HSF1: variants seen among roughly 807,000 people sequenced by gnomAD.
The protein encoded by HSF1 is heat shock factor protein 1.
A neutral mutation model predicts 51.7 loss-of-function variants in HSF1; 32 were observed. The ratio of observed to expected loss-of-function variants is 0.62; its 90% CI spans 0.47 to 0.83. The LOEUF (loss-of-function observed/expected upper bound fraction) is 0.83. Among genes scored for constraint, HSF1 ranks in the 40% least tolerant of loss-of-function variants. The probability of loss-of-function intolerance (pLI) is 0.00; values close to 1 mark genes in which losing one functional copy is unlikely to be tolerated. For missense variants in HSF1, 727 were observed against 717.0 expected (o/e 1.01, Z -0.16); for synonymous variants, 396 against 309.7 (o/e 1.28, Z -2.92).
intron 1 of HSF1, among the ~76,000 whole-genome samples, chr8:144,300,317 A>G (rs1815774369): frequency 6.7e-6 from 1 of 149,754 alleles, no homozygotes; most frequent in Non-Finnish European, 1.5e-5. Context: ...CCCAGGTCCA[A>G]GCAATTCTCC....
chr8:144,298,698 G>T (rs1815653411), intron 1 of HSF1, among the ~76,000 whole-genome samples: 1 of 152,198 alleles, frequency 6.6e-6, no homozygotes, highest in South Asian at 2.1e-4. Flanking sequence ...AGACTCACGT[G>T]CAGAGAACCC....
Position 144,291,921 on chromosome 8 carries a change from C to A in HSF1, c.117+47C>A. 1 of 1,102,978 alleles carries A rather than the reference C, an allele frequency of 9.1e-7. No homozygotes were observed. The highest frequency in any genetic ancestry group is 1.2e-6 in the Non-Finnish European group (1 of 825,488). The allele number at this position is 1,102,978 out of a possible 1,614,324, so 68.3% of individuals were successfully genotyped here. On this transcript the variant is annotated intron_variant, in intron 1 of 12. Transcript: ENST00000528838. The surrounding 1 kb of genome is among the most constrained non-coding windows in gnomAD (Gnocchi z 4.1). The stretch of plus-strand genomic sequence containing the variant: ...GGGGCCCGTGGGGACCGGGAGGGAG[C>A]AGGGCCGCGGCGGACGGCGCGGGAG...
chr8:144,301,556 G>A (rs1397554772), intron 1 of HSF1, among the ~76,000 whole-genome samples: 3 of 152,126 alleles, frequency 2.0e-5, no homozygotes, highest in Non-Finnish European at 2.9e-5. Context: ...ACAGGCTGGT[G>A]AAGAGAAAAT....
intron 4 of HSF1, chr8:144,310,398 C>G (rs1162754193): frequency 6.5e-6 from 1 of 154,506 alleles, no homozygotes; most frequent in Non-Finnish European, 1.4e-5. Flanking sequence ...ACCTGAGAAA[C>G]TGAGGCAAGC....
rs530636629 is a variant in HSF1, at chr8:144,297,641, C to G, written c.117+5767C>G. Reference sequence around the variant, plus strand: ...ACTCCGGTGGTCCCTGCTCCCCACACGTGGGCCACAGCTACTCACACACGC... The same window carrying G: ...ACTCCGGTGGTCCCTGCTCCCCACAGGTGGGCCACAGCTACTCACACACGC... On this transcript the variant is annotated intron_variant, in intron 1 of 12. Coordinates refer to ENST00000528838, the MANE Select transcript of HSF1 (RefSeq NM_005526.4). This position sits in a 1 kb window ranked among gnomAD's most constrained non-coding sequence, Gnocchi z 4.6. Among the ~76,000 whole-genome samples, 1 of 152,236 alleles carries G rather than the reference C, an allele frequency of 6.6e-6. No homozygotes were observed. Among genetic ancestry groups the G allele is most frequent in the East Asian group, 1.9e-4 (1 of 5,180 alleles).
At chr8:144,302,291 A>G (rs1815941089) in intron 1 of HSF1, among the ~76,000 whole-genome samples, 1 of 151,042 alleles carries the variant, frequency 6.6e-6, no homozygotes, top group South Asian at 2.1e-4. Context: ...GGCGGATCAC[A>G]AGGTCAGGAA....
intron 1 of HSF1, among the ~76,000 whole-genome samples, chr8:144,306,064 C>T (rs1410562478): frequency 2.0e-5 from 3 of 152,258 alleles, no homozygotes; most frequent in Admixed American, 6.5e-5. Flanking sequence ...AGTTATTAAA[C>T]TCTTCAGCTC....
intron 9 of HSF1, chr8:144,313,064 C>T: frequency 2.3e-6 from 1 of 440,534 alleles, no homozygotes; most frequent in Non-Finnish European, 4.2e-6. Flanking sequence ...TGCCCTGTGG[C>T]CTAGGGCTTT....
chr8:144,308,006 T>A (rs2130411375), intron 1 of HSF1, among the ~76,000 whole-genome samples: 1 of 152,340 alleles, frequency 6.6e-6, no homozygotes, highest in East Asian at 1.9e-4. Flanking sequence ...TTCACATCTC[T>A]CTATGCTGGA....
chr8:144,313,668 G>GCCTCCCCGCCCCGCCTCCCCGCCT (rs1456880841), intron 10 of HSF1, 52 bp downstream of exon 10: 1 of 87,332 alleles, frequency 1.1e-5, no homozygotes, highest in African/African-American at 1.7e-4. Flanking sequence ...CCGCCGCGCC[G>GCCTCCCCGCCCCGCCTCCCCGCCT]CCCCGCCTCC....
At chr8:144,310,093 C>G (rs1322829264) in intron 4 of HSF1, 197 bp downstream of exon 4, 3 of 627,798 alleles carry the variant, frequency 4.8e-6, no homozygotes, top group African/African-American at 1.8e-5. Context: ...AGCCGTTTTC[C>G]ATGTGCAGAA....
At chr8:144,309,091 G>A (rs1198066040) in intron 2 of HSF1, 77 bp downstream of exon 2, 2 of 1,157,636 alleles carry the variant, frequency 1.7e-6, no homozygotes, top group Admixed American at 1.7e-5. Flanking sequence ...GGAGGACCCT[G>A]TGATGAAGGA....
chr8:144,301,281 T>C (rs1554842215), intron 1 of HSF1, among the ~76,000 whole-genome samples: 1 of 151,766 alleles, frequency 6.6e-6, no homozygotes, highest in African/African-American at 2.4e-5. Flanking sequence ...TAGCCGGGCG[T>C]GGTAGTGCCT....
chr8:144,299,916 AAG>A (rs1815742964), intron 1 of HSF1, among the ~76,000 whole-genome samples: 1 of 152,202 alleles, frequency 6.6e-6, no homozygotes, highest in South Asian at 2.1e-4. Flanking sequence ...CTCAAAAAAT[AAG>A]AAAACATGAC....
chr8:144,304,947 C>CTT (rs141886614), intron 1 of HSF1, among the ~76,000 whole-genome samples: 1,498 of 138,852 alleles, frequency 0.011, 25 homozygotes, highest in African/African-American at 0.035. Flanking sequence ...CATTTTAATC[C>CTT]TTTTTTTTTT....
rs1188804698 is a variant in HSF1 at position 144,314,256 on chromosome 8, T to C, written c.1516T>C (p.Phe506Leu). The change falls in exon 13 of 13, where the codon TTC (phenylalanine) becomes CTC (leucine). Residue 506 changes from phenylalanine to leucine, a missense_variant. Phe to Leu is a conservative substitution (Grantham distance 22). Around this residue, in one of 2 missense-constraint regions of HSF1, gnomAD observed 470 missense variants for 398.8 expected, o/e 1.18. Coordinates refer to ENST00000528838, the MANE Select transcript of HSF1 (RefSeq NM_005526.4). ...CTCCTACTTCTCCGAAGGGGACGGC[T>C]TCGCCGAGGACCCCACCATCTCCCT... Reference protein sequence around the residue: ...EGSYFSEGDGFAEDPTISLLT... With the variant: ...EGSYFSEGDGLAEDPTISLLT... The C allele has an allele frequency of 1.3e-6, 2 of 1,550,630 alleles. No individual in the cohort carries two copies. The highest frequency in any genetic ancestry group is 1.4e-5 in the African/African-American group (1 of 73,190).
chr8:144,298,842 C>T (rs944643449), intron 1 of HSF1, among the ~76,000 whole-genome samples: 3 of 152,188 alleles, frequency 2.0e-5, no homozygotes, highest in Non-Finnish European at 2.9e-5. Flanking sequence ...GGGTTGGATC[C>T]GATTTGCTGG....
chr8:144,302,214 A>C (rs571465642), intron 1 of HSF1, among the ~76,000 whole-genome samples: 135 of 151,938 alleles, frequency 8.9e-4, no homozygotes, highest in African/African-American at 2.9e-3. Flanking sequence ...CCATTTAAAA[A>C]AAATTAAAGG....
In HSF1 at chr8:144,313,867, G is replaced by C. The variant is rs1355120987; in HGVS notation, c.1270G>C (p.Val424Leu). The change falls in exon 11 of 13, where the codon GTG becomes CTG. Residue 424 changes from valine (V) to leucine (L), a missense_variant. Coordinates refer to ENST00000528838, the MANE Select transcript of HSF1 (RefSeq NM_005526.4). ...LLDLFSPSVTVPDMSLPDLDS... is the reference protein window; with the variant it reads ...LLDLFSPSVTLPDMSLPDLDS... The stretch of plus-strand genomic sequence containing the variant: ...GCAGCTGTTCAGCCCCTCGGTGACC[G>C]TGCCCGACATGAGCCTGCCTGACCT... The C allele has an allele frequency of 6.3e-7, 1 of 1,597,288 alleles. No individual in the cohort carries two copies. Among genetic ancestry groups the C allele is most frequent in the Admixed American group, 1.7e-5 (1 of 57,776 alleles).
Sources: gnomAD v4.1 joint callset for allele counts (sites outside exome capture counted in the v4.1 genomes callset) on GRCh38, gnomAD v4.1.1 for gene constraint, gnomAD v4.1.1 regional missense constraint, Gnocchi (gnomAD v3.1) non-coding constraint, MANE v1.5 for transcripts, NCBI Gene and HGNC (gene_info 2026-07-23, HGNC 2026-07-21) for gene names.